HECTD4: variants seen among roughly 807,000 people sequenced by gnomAD.
The protein encoded by HECTD4 is probable E3 ubiquitin-protein ligase HECTD4.
HECTD4 carries 114 observed loss-of-function variants against 471.5 expected under a neutral mutation model. The observed-to-expected ratio is 0.24, with a 90% CI of 0.21 to 0.28. The LOEUF is 0.28. Ranked by LOEUF, HECTD4 falls within the 10% of genes least tolerant of loss-of-function variation. HECTD4 has a pLI of 1.00. For synonymous variants in HECTD4, 2,012 were observed against 2,256.0 expected (o/e 0.89, Z 3.07); for missense variants, 3,866 against 5,651.5 (o/e 0.68, Z 10.13).
chr12:112,319,611 G>C lies in HECTD4; in HGVS notation c.309C>G (p.Ala103=), dbSNP rs2035546640. The C allele has an allele frequency of 7.1e-7, 1 of 1,418,216 alleles. No homozygotes were observed. Among genetic ancestry groups the C allele is most frequent in the African/African-American group, 1.4e-5 (1 of 69,558 alleles). 87.9% of individuals were successfully genotyped at this position (1,418,216 alleles called of 1,614,324 possible). Residue 103 remains alanine, a synonymous_variant, in exon 2 of 76, where the codon GCC becomes GCG. Transcript: ENST00000682272. This position sits in a 1 kb window ranked among gnomAD's most constrained non-coding sequence, Gnocchi z 5.3. ...GTTCTTCTAAGGCCAGCTGGCGCTG[G>C]GCATTCCACAGTCCTCGCAAGGCAT... The part of the protein sequence containing the change: ...RLNALRGLWN[A]QRQLALEEQH...
At chr12:112,366,575 T>C (rs1397310940) in intron 1 of HECTD4, among the ~76,000 whole-genome samples, 3 of 151,808 alleles carry the variant, frequency 2.0e-5, no homozygotes, top group Non-Finnish European at 4.4e-5. Context: ...CGCAACATTC[T>C]TAATTATTTC....
In HECTD4 at chr12:112,193,394, A is replaced by AT; in HGVS notation, c.8955+74dup. The AT allele has an allele frequency of 6.9e-7, 1 of 1,447,064 alleles. No homozygotes were observed. The highest frequency in any genetic ancestry group is 9.5e-7 in the Non-Finnish European group (1 of 1,052,116). 89.6% of individuals were successfully genotyped at this position (1,447,064 alleles called of 1,614,324 possible). On this transcript the variant is annotated intron_variant, in intron 57 of 75. Transcript: ENST00000682272. This position sits in a 1 kb window ranked among gnomAD's most constrained non-coding sequence, Gnocchi z 5.2. ...GGGACTTGGAAGGGAAAGGGGAGTCATTTTCAGCAAGCCAGTGAGACTCCC... is the reference window on the plus strand; with the variant it reads ...GGGACTTGGAAGGGAAAGGGGAGTCATTTTTCAGCAAGCCAGTGAGACTCCC...
intron 1 of HECTD4, among the ~76,000 whole-genome samples, chr12:112,330,793 C>T (rs998746676): frequency 3.3e-5 from 5 of 152,218 alleles, no homozygotes; most frequent in African/African-American, 1.2e-4. Context: ...GAGTAATCCT[C>T]TCCCACTTGG....
intron 7 of HECTD4, among the ~76,000 whole-genome samples, chr12:112,303,189 C>A (rs527967357): frequency 8.5e-5 from 13 of 152,240 alleles, no homozygotes; most frequent in African/African-American, 2.9e-4. Flanking sequence ...CCTGGACAGC[C>A]AGCATCTGAA....
intron 1 of HECTD4, among the ~76,000 whole-genome samples, chr12:112,349,909 T>TGTTC (rs2135735887): frequency 6.6e-6 from 1 of 152,298 alleles, no homozygotes; most frequent in East Asian, 1.9e-4. Context: ...TTTCTGTAAA[T>TGTTC]GTTCATATTT....
intron 32 of HECTD4, among the ~76,000 whole-genome samples, chr12:112,240,317 C>T (rs937278235): frequency 2.6e-5 from 4 of 152,166 alleles, no homozygotes; most frequent in African/African-American, 7.2e-5. Flanking sequence ...AAGGGTAAAG[C>T]GAATGGCCTC....
chr12:112,309,944 G>T (rs1456108488), intron 4 of HECTD4, among the ~76,000 whole-genome samples: 2 of 151,530 alleles, frequency 1.3e-5, no homozygotes, highest in Middle Eastern at 3.2e-3. Context: ...CTTTTTTTTT[G>T]AAAAGCTTGT....
At chr12:112,324,238 G>T (rs1019785576) in intron 1 of HECTD4, among the ~76,000 whole-genome samples, 1 of 149,816 alleles carries the variant, frequency 6.7e-6, no homozygotes, top group Non-Finnish European at 1.5e-5. Context: ...TCCCACCTCA[G>T]CCTCCTGAGT....
At chr12:112,310,619 T>C (rs1455465368) in intron 4 of HECTD4, among the ~76,000 whole-genome samples, 1 of 152,188 alleles carries the variant, frequency 6.6e-6, no homozygotes, top group Non-Finnish European at 1.5e-5. Context: ...AAATTAGTAC[T>C]AAAAATGCTG....
intron 1 of HECTD4, among the ~76,000 whole-genome samples, chr12:112,359,293 C>T (rs1351287400): frequency 7.7e-5 from 11 of 143,540 alleles, no homozygotes; most frequent in African/African-American, 2.5e-4. Context: ...GTGAATCATG[C>T]TTTTTTTTTT....
intron 55 of HECTD4, among the ~76,000 whole-genome samples, chr12:112,198,145 A>T (rs1704756298): frequency 6.6e-6 from 1 of 152,174 alleles, no homozygotes; most frequent in African/African-American, 2.4e-5. Context: ...CACAAGAACA[A>T]ATTTTAACAA....
Position 112,278,478 on chromosome 12 carries a change from A to G in HECTD4, c.1687+750T>C, listed in dbSNP as rs904379570. ...TACTACAGTGTGCCTCCTTATAATA[A>G]TATATGGATATTTTAAAATACTAAC... On this transcript the variant is annotated intron_variant, in intron 9 of 75. Coordinates refer to ENST00000682272, the MANE Select transcript of HECTD4 (RefSeq NM_001388303.1). 1.4e-4 allele frequency among the ~76,000 whole-genome samples: 21 copies of G among 152,186 alleles called. 1 individual carries two copies.
intron 45 of HECTD4, 138 bp downstream of exon 45, chr12:112,219,248 A>C: frequency 4.1e-6 from 2 of 489,302 alleles, no homozygotes; most frequent in African/African-American, 2.0e-5. Context: ...CACCGCAAAG[A>C]GGGCATGTCA....
At position 112,279,251 on chromosome 12, in the gene HECTD4, G is replaced by C; in HGVS notation, c.1664C>G (p.Thr555Arg). ...ACTTTTTAAAGATGACAAACCACTT[G>C]TTCCACCAAAAAGAGATCGGGTGGC... ...SSATRSLFGG[T>R]SGLSSLKILA... Residue 555 changes from threonine to arginine, a missense_variant, in exon 9 of 76, where the codon ACA (threonine) becomes AGA (arginine). Transcript: ENST00000682272. 1 of 1,609,068 alleles carries C rather than the reference G, an allele frequency of 6.2e-7. No homozygotes were observed.
chr12:112,184,586 T>G lies in HECTD4; in HGVS notation c.10380A>C (p.Thr3460=). The change falls in exon 61 of 76, where the codon ACA becomes ACC. Residue 3460 remains threonine, a synonymous_variant. Transcript: ENST00000682272. This position sits in a 1 kb window ranked among gnomAD's most constrained non-coding sequence, Gnocchi z 9.1. ...GGDGKVEPEK[T]LAFPGTDSME... is the part of the protein sequence containing the mutation. ...TGCTGTCTGTGCCGGGGAAGGCCAGTGTCTTCTCGGGCTCAACTTTCCCGT... is the reference window on the plus strand; with the variant it reads ...TGCTGTCTGTGCCGGGGAAGGCCAGGGTCTTCTCGGGCTCAACTTTCCCGT... 6.2e-7 allele frequency: 1 copy of G among 1,613,826 alleles called. No homozygotes were observed. The highest frequency in any genetic ancestry group is 1.1e-5 in the South Asian group (1 of 91,084).
rs969635039 is a variant in HECTD4 at position 112,179,775 on chromosome 12, T to C, written c.10988-378A>G. ...ATTAACTTCCACTGGACTTGAGCCA[T>C]TGTCCTCCTGGGGCTATTTATCATA... On this transcript the variant is annotated intron_variant, in intron 62 of 75. Coordinates refer to ENST00000682272, the MANE Select transcript of HECTD4 (RefSeq NM_001388303.1). The surrounding 1 kb of genome is among the most constrained non-coding windows in gnomAD (Gnocchi z 4.3). Among the ~76,000 whole-genome samples the C allele has an allele frequency of 1.3e-5, 2 of 152,196 alleles. No homozygotes were observed. Among genetic ancestry groups the C allele is most frequent in the Non-Finnish European group, 2.9e-5 (2 of 68,022 alleles).
rs983956302 is a variant in HECTD4 at position 112,194,207 on chromosome 12, G to A, written c.8750-533C>T. ...AGTGCACACATACCCTGGCTGGGTGGGACCCCACAGTTGTGAGCTGGAGGG... is the reference window on the plus strand; with the variant it reads ...AGTGCACACATACCCTGGCTGGGTGAGACCCCACAGTTGTGAGCTGGAGGG... On this transcript the variant is annotated intron_variant, in intron 56 of 75. Coordinates refer to ENST00000682272, the MANE Select transcript of HECTD4 (RefSeq NM_001388303.1). The surrounding 1 kb of genome is among the most constrained non-coding windows in gnomAD (Gnocchi z 4.6). Among the ~76,000 whole-genome samples the A allele has an allele frequency of 3.9e-5, 6 of 152,214 alleles. No individual in the cohort carries two copies. The highest frequency in any genetic ancestry group is 8.8e-5 in the Non-Finnish European group (6 of 68,034).
chr12:112,264,332 C>T (rs941246395), intron 16 of HECTD4, 120 bp from the exon 17 acceptor site: 4 of 1,012,588 alleles, frequency 4.0e-6, no homozygotes, highest in Non-Finnish European at 5.3e-6. Context: ...AAAAAACAGA[C>T]CAAGTTAGTT....
rs781342150 is a variant in HECTD4, at chr12:112,250,997, C to T, written c.3690G>A (p.Glu1230=). The change falls in exon 24 of 76, where the codon GAG becomes GAA. Residue 1230 remains glutamate, a synonymous_variant. Transcript: ENST00000682272. ...TTTGTAAAAGTTTGGACCGCAATAG[C>T]TCCTGACAGGCTTCTTCTTCTTTGG... ...EITKEEEACQ[E]LLRSKLLQRC... 5 of 1,613,344 alleles carry T rather than the reference C, an allele frequency of 3.1e-6. No homozygotes were observed. The South Asian group carries it at 5.5e-5, about 18-fold the overall frequency.
Sources: gnomAD v4.1 joint callset for allele counts (sites outside exome capture counted in the v4.1 genomes callset) on GRCh38, gnomAD v4.1.1 for gene constraint, Gnocchi (gnomAD v3.1) non-coding constraint, MANE v1.5 for transcripts, NCBI Gene and HGNC (gene_info 2026-07-23, HGNC 2026-07-21) for gene names.